BMP5: variants seen among roughly 807,000 people sequenced by gnomAD.
The protein encoded by BMP5 is bone morphogenetic protein 5.
BMP5 carries 23 observed loss-of-function variants against 46.6 expected under a neutral mutation model. That is an observed-to-expected ratio of 0.49 (90% confidence interval 0.35 to 0.70). BMP5 has a LOEUF of 0.70. Ranked by LOEUF, BMP5 falls within the 30% of genes least tolerant of loss-of-function variation. The probability of loss-of-function intolerance (pLI) is 0.00; values close to 1 mark genes in which losing one functional copy is unlikely to be tolerated. For missense variants in BMP5, 545 were observed against 565.6 expected (o/e 0.96, Z 0.37); for synonymous variants, 204 against 191.9 (o/e 1.06, Z -0.52).
At chr6:55,823,380 A>C (rs936138714) in intron 1 of BMP5, among the ~76,000 whole-genome samples, 2 of 152,086 alleles carry the variant, frequency 1.3e-5, no homozygotes, top group Admixed American at 6.6e-5. Context: ...GAAAAATTGC[A>C]TGAATGGGTC....
At chr6:55,813,552 G>A (rs539745656) in intron 2 of BMP5, among the ~76,000 whole-genome samples, 26 of 103,234 alleles carry the variant, frequency 2.5e-4, no homozygotes, top group Non-Finnish European at 4.2e-4. Flanking sequence ...CACTTTTGGG[G>A]GCCGAGGCGG....
intron 1 of BMP5, among the ~76,000 whole-genome samples, chr6:55,862,898 T>A (rs1255746584): frequency 1.3e-5 from 2 of 152,176 alleles, no homozygotes; most frequent in African/African-American, 4.8e-5. Context: ...TTAAAAAAAA[T>A]TCTTTAAAGG....
chr6:55,822,669 CCT>C (rs1776437429), intron 1 of BMP5, among the ~76,000 whole-genome samples: 1 of 152,028 alleles, frequency 6.6e-6, no homozygotes, highest in Non-Finnish European at 1.5e-5. Context: ...AAAGTGTGCA[CCT>C]GCTTAATGCA....
At chr6:55,851,752 A>G (rs34923030) in intron 1 of BMP5, among the ~76,000 whole-genome samples, 5 of 152,224 alleles carry the variant, frequency 3.3e-5, no homozygotes, top group African/African-American at 1.2e-4. Flanking sequence ...TGTCATGGCC[A>G]CAGTGTTAAT....
At chr6:55,842,205 T>C (rs1401318118) in intron 1 of BMP5, among the ~76,000 whole-genome samples, 1 of 152,168 alleles carries the variant, frequency 6.6e-6, no homozygotes, top group Admixed American at 6.5e-5. Flanking sequence ...CATTTTGTGA[T>C]TTCTTAGAGC....
intron 1 of BMP5, among the ~76,000 whole-genome samples, chr6:55,872,745 A>G (rs1777815059): frequency 6.6e-6 from 1 of 151,956 alleles, no homozygotes; most frequent in Admixed American, 6.6e-5. Context: ...GTCAGATTTT[A>G]GATGATATGA....
chr6:55,846,458 C>T (rs1777099854), intron 1 of BMP5, among the ~76,000 whole-genome samples: 1 of 151,950 alleles, frequency 6.6e-6, no homozygotes, highest in South Asian at 2.1e-4. Flanking sequence ...CTGAAGTGCT[C>T]GTGGTAGCGT....
At chr6:55,860,740 T>C (rs958506253) in intron 1 of BMP5, among the ~76,000 whole-genome samples, 2 of 152,224 alleles carry the variant, frequency 1.3e-5, no homozygotes, top group Non-Finnish European at 2.9e-5. Flanking sequence ...TTAACAACTG[T>C]ACCTACTTTT....
At chr6:55,794,079 C>T (rs755154255) in intron 3 of BMP5, among the ~76,000 whole-genome samples, 200 bp downstream of exon 3, 28 of 152,106 alleles carry the variant, frequency 1.8e-4, no homozygotes, top group Non-Finnish European at 3.8e-4. Flanking sequence ...ACCTCCCACC[C>T]CAGAGCCTGA....
intron 3 of BMP5, among the ~76,000 whole-genome samples, chr6:55,780,355 T>C (rs1775279891): frequency 2.0e-5 from 3 of 149,730 alleles, no homozygotes; most frequent in African/African-American, 4.9e-5. Context: ...GAATGGTGGC[T>C]CACGCCTGTA....
chr6:55,858,875 C>A (rs1777463483), intron 1 of BMP5, among the ~76,000 whole-genome samples: 1 of 152,106 alleles, frequency 6.6e-6, no homozygotes, highest in African/African-American at 2.4e-5. Context: ...GAATAGAAAA[C>A]CAAACACTGC....
chr6:55,807,940 G>T (rs541324896), intron 2 of BMP5, among the ~76,000 whole-genome samples: 65 of 152,282 alleles, frequency 4.3e-4, no homozygotes, highest in African/African-American at 1.5e-3. Context: ...CTGTTGGAGG[G>T]TCTCACCCAG....
chr6:55,867,977 G>A (rs1177875150), intron 1 of BMP5, among the ~76,000 whole-genome samples: 1 of 152,106 alleles, frequency 6.6e-6, no homozygotes, highest in East Asian at 1.9e-4. Context: ...ATTTATAATT[G>A]AACTTTAAAG....
At chr6:55,792,549 A>G (rs1039524866) in intron 3 of BMP5, among the ~76,000 whole-genome samples, 6 of 152,002 alleles carry the variant, frequency 3.9e-5, no homozygotes, top group African/African-American at 1.4e-4. Flanking sequence ...AAAAAAAAAA[A>G]AAAAAAGATT....
intron 1 of BMP5, among the ~76,000 whole-genome samples, chr6:55,841,120 T>C (rs954195027): frequency 6.6e-6 from 1 of 152,192 alleles, no homozygotes; most frequent in Non-Finnish European, 1.5e-5. Flanking sequence ...TAATGGCTGA[T>C]GGTCTGAGAT....
At chr6:55,862,524 C>A (rs956114113) in intron 1 of BMP5, among the ~76,000 whole-genome samples, 1 of 152,118 alleles carries the variant, frequency 6.6e-6, no homozygotes, top group Non-Finnish European at 1.5e-5. Context: ...GGGTGAAAAT[C>A]TTTATCCATC....
Position 55,875,141 on chromosome 6 carries a change from A to T in BMP5, c.-276T>A. The T allele has an allele frequency of 2.8e-6, 1 of 351,530 alleles. No individual in the cohort carries two copies. The highest frequency in any genetic ancestry group is 5.3e-6 in the Non-Finnish European group (1 of 188,504). The allele number at this position is 351,530 out of a possible 1,614,324, so 21.8% of individuals were successfully genotyped here. ...TTAAGAGTTTTTGCTGCATTGATGT[A>T]GCAGAAGACGGCTAATATTATTTGA... On this transcript the variant is annotated 5_prime_UTR_variant, in exon 1 of 7. Coordinates refer to ENST00000370830, the MANE Select transcript of BMP5 (RefSeq NM_021073.4).
intron 1 of BMP5, among the ~76,000 whole-genome samples, chr6:55,873,175 A>ATGTGTTATT (rs1777823749): frequency 6.6e-6 from 1 of 151,960 alleles, no homozygotes; most frequent in African/African-American, 2.4e-5. Flanking sequence ...AAAAGCATCC[A>ATGTGTTATT]TGTGTTATTA....
chr6:55,857,029 T>C (rs1044973122), intron 1 of BMP5, among the ~76,000 whole-genome samples: 3 of 152,186 alleles, frequency 2.0e-5, no homozygotes, highest in African/African-American at 7.2e-5. Flanking sequence ...TTGTAAAGTT[T>C]TATGTGGTTC....
Sources: allele counts gnomAD v4.1 joint callset (sites outside exome capture counted in the v4.1 genomes callset), GRCh38; gene constraint gnomAD v4.1.1; transcripts MANE v1.5; gene names NCBI Gene and HGNC (gene_info 2026-07-23, HGNC 2026-07-21).